Variants in DNAH8 observed in about 807,000 individuals in gnomAD.
DNAH8 encodes dynein axonemal heavy chain 8.
A neutral mutation model predicts 562.1 loss-of-function variants in DNAH8; 382 were observed. The ratio of observed to expected loss-of-function variants is 0.68; its 90% CI spans 0.63 to 0.74. The LOEUF is 0.74. Among genes scored for constraint, DNAH8 ranks in the 30% least tolerant of loss-of-function variants. The pLI is 0.00. For missense variants in DNAH8, 5,203 were observed against 5,620.4 expected, an observed-to-expected ratio of 0.93 and a Z score of 2.37; for synonymous variants, 1,881 against 1,919.4, an observed-to-expected ratio of 0.98 and a Z score of 0.52.
intron 33 of DNAH8, among the ~76,000 whole-genome samples, chr6:38,839,953 T>C: frequency 6.6e-6 from 1 of 152,138 alleles, no homozygotes; most frequent in Admixed American, 6.5e-5. Context: ...TGGGCCACCA[T>C]GTCCGGTGAA....
At chr6:38,956,387 C>T (rs1272962801) in intron 82 of DNAH8, among the ~76,000 whole-genome samples, 1 of 152,198 alleles carries the variant, frequency 6.6e-6, no homozygotes, top group Non-Finnish European at 1.5e-5. Context: ...CCAAAAGGGC[C>T]CAGTCTCAGC....
chr6:38,761,327 T>C (rs982253148), intron 10 of DNAH8, among the ~76,000 whole-genome samples: 1 of 142,406 alleles, frequency 7.0e-6, no homozygotes, highest in African/African-American at 2.6e-5. Flanking sequence ...GTTCTCATTG[T>C]TCAGTTCCCA....
chr6:38,954,418 T>C (rs944102656), intron 82 of DNAH8, among the ~76,000 whole-genome samples: 2 of 23,844 alleles, frequency 8.4e-5, no homozygotes. Flanking sequence ...TAGTAATAAA[T>C]TACAGGCCGG....
chr6:38,824,652 C>G (rs1773154278), intron 28 of DNAH8, among the ~76,000 whole-genome samples: 1 of 152,180 alleles, frequency 6.6e-6, no homozygotes, highest in Non-Finnish European at 1.5e-5. Flanking sequence ...GTAACTGTGG[C>G]TCTTGAATTT....
intron 62 of DNAH8, among the ~76,000 whole-genome samples, chr6:38,901,306 A>T (rs2150509134): frequency 6.6e-6 from 1 of 152,282 alleles, no homozygotes; most frequent in East Asian, 1.9e-4. Context: ...ACATTTACAC[A>T]TAAAATTTAC....
At chr6:39,010,629 A>G (rs1222936119) in intron 89 of DNAH8, among the ~76,000 whole-genome samples, 1 of 152,046 alleles carries the variant, frequency 6.6e-6, no homozygotes, top group African/African-American at 2.4e-5. Flanking sequence ...TATTGATTTG[A>G]TACTGTAGTC....
Position 38,896,117 on chromosome 6 carries a change from G to T in DNAH8, c.8832G>T (p.Ser2944=), listed in dbSNP as rs748123661. The T allele has an allele frequency of 6.2e-7, 1 of 1,613,864 alleles. No homozygotes were observed. Among genetic ancestry groups the T allele is most frequent in the Admixed American group, 1.7e-5 (1 of 59,996 alleles). Residue 2944 remains serine, a synonymous_variant, in exon 60 of 93, where the codon TCG becomes TCT. Coordinates refer to ENST00000327475, the MANE Select transcript of DNAH8 (RefSeq NM_001206927.2). ...AAAATATTGGCTCTGATGCAGCGTC[G>T]TGTATTCTTCCTGAACCATACTTTG... ...VEENIGSDAA[S]CILPEPYFVD...
intron 82 of DNAH8, among the ~76,000 whole-genome samples, chr6:38,965,436 G>C (rs902445285): frequency 6.6e-6 from 1 of 152,066 alleles, no homozygotes; most frequent in Non-Finnish European, 1.5e-5. Context: ...CTCTAGGGAG[G>C]AATATTGGTG....
intron 33 of DNAH8, among the ~76,000 whole-genome samples, chr6:38,839,874 C>T (rs1239187299): frequency 2.0e-5 from 3 of 152,136 alleles, no homozygotes; most frequent in Non-Finnish European, 4.4e-5. Context: ...GTTGGTCAGG[C>T]TGGTCTCAAA....
In DNAH8 at chr6:38,779,955, A is replaced by ATTACTT. The variant is rs746201503; in HGVS notation, c.2040-7_2040-2dup. 1 of 1,610,286 alleles carries ATTACTT rather than the reference A, an allele frequency of 6.2e-7. No homozygotes were observed. Among genetic ancestry groups the ATTACTT allele is most frequent in the South Asian group, 1.1e-5 (1 of 90,988 alleles). The stretch of plus-strand genomic sequence containing the variant: ...TTTACTTTTTAACCATTCAGCTTTG[A>ATTACTT]TTACTTTTAGGTTTCAGAAGCTGAA... On this transcript the variant is annotated splice_polypyrimidine_tract_variant and intron_variant, in intron 14 of 92. Coordinates refer to ENST00000327475, the MANE Select transcript of DNAH8 (RefSeq NM_001206927.2).
intron 82 of DNAH8, among the ~76,000 whole-genome samples, chr6:38,958,414 G>GAA (rs35615279): frequency 0.029 from 3,761 of 131,002 alleles, 159 homozygotes; most frequent in African/African-American, 0.096. Context: ...GATATGACTG[G>GAA]AAAAAAAAAA....
At position 38,974,437 on chromosome 6, in the gene DNAH8, G is replaced by A. The variant is rs766159939; in HGVS notation, c.12742G>A (p.Ala4248Thr). The change falls in exon 85 of 93, where the codon GCT becomes ACT. Residue 4248 changes from alanine (A) to threonine (T), a missense_variant. Transcript: ENST00000327475. ...GVRAGLKRTF[A>T]GINQDLLDIS... ...ACGCGCAGGTTTGAAAAGAACATTT[G>A]CTGGAATTAATCAAGACCTTCTGGA... The A allele has an allele frequency of 2.5e-6, 4 of 1,613,794 alleles. No homozygotes were observed. The highest frequency in any genetic ancestry group is 2.2e-5 in the East Asian group (1 of 44,900).
rs1777591552 is a variant in DNAH8 at position 38,873,047 on chromosome 6, T to C, written c.7379T>C (p.Phe2460Ser). 8.1e-6 allele frequency: 13 copies of C among 1,614,142 alleles called. No individual in the cohort carries two copies. The highest frequency in any genetic ancestry group is 1.1e-5 in the Non-Finnish European group (13 of 1,179,998). The part of the protein sequence containing the change: ...IPMAPSCKLL[F>S]EVHNIENASP... The stretch of plus-strand genomic sequence containing the variant: ...ATGGCCCCTAGTTGTAAGCTTCTGT[T>C]TGAAGTCCACAATATCGAGAACGCC... The change falls in exon 51 of 93, where the codon TTT (phenylalanine) becomes TCT (serine). Residue 2460 changes from phenylalanine (F) to serine (S), a missense_variant. Transcript: ENST00000327475.
At chr6:38,965,732 A>G (rs1341315667) in intron 82 of DNAH8, among the ~76,000 whole-genome samples, 3 of 152,072 alleles carry the variant, frequency 2.0e-5, no homozygotes, top group Non-Finnish European at 2.9e-5. Flanking sequence ...CCCCCTTATG[A>G]TATCTTGGCA....
chr6:39,010,787 A>G (rs975356019), intron 89 of DNAH8, among the ~76,000 whole-genome samples: 3 of 140,528 alleles, frequency 2.1e-5, no homozygotes, highest in African/African-American at 8.3e-5. Context: ...ATATACACAC[A>G]CACGCACGTG....
chr6:38,926,014 T>C, intron 73 of DNAH8, 41 bp from the exon 74 acceptor site: 1 of 1,576,264 alleles, frequency 6.3e-7, no homozygotes, highest in Non-Finnish European at 8.6e-7. Context: ...AGGGCATTCC[T>C]GTTCTCCTTT....
intron 88 of DNAH8, among the ~76,000 whole-genome samples, chr6:38,994,649 C>CTTTTTTTTT (rs5875650): frequency 1.7e-5 from 2 of 119,734 alleles, no homozygotes; most frequent in Non-Finnish European, 1.8e-5. Context: ...CTTTTTTTTT[C>CTTTTTTTTT]TTTTTTTTTT....
In DNAH8 at chr6:38,715,942, A is replaced by T. The variant is rs1562520567; in HGVS notation, c.-35+527A>T. ...AATAAATAAATATATATATATATAT[A>T]TATATATATATATATATATTTTTTT... On this transcript the variant is annotated intron_variant, in intron 1 of 92. Transcript: ENST00000327475. 1.1e-3 allele frequency among the ~76,000 whole-genome samples: 15 copies of T among 13,680 alleles called. 1 individual carries two copies. Among genetic ancestry groups the T allele is most frequent in the African/African-American group, 2.9e-3 (10 of 3,414 alleles). 9.0% of individuals were successfully genotyped at this position (13,680 alleles called of 152,430 possible).
At chr6:38,845,475 A>C (rs1017185254) in intron 35 of DNAH8, 99 bp from the exon 36 acceptor site, 35 of 822,600 alleles carry the variant, frequency 4.3e-5, no homozygotes, top group Admixed American at 2.3e-4. Flanking sequence ...TGGGTGACTT[A>C]CAGGTCCCTT....
Sources: gnomAD v4.1 joint callset for allele counts (sites outside exome capture counted in the v4.1 genomes callset) on GRCh38, gnomAD v4.1.1 for gene constraint, MANE v1.5 for transcripts, NCBI Gene and HGNC (gene_info 2026-07-23, HGNC 2026-07-21) for gene names.